TMPRSS11E: variants seen among roughly 807,000 people sequenced by gnomAD.
TMPRSS11E encodes the protein transmembrane serine protease 11E.
Under a neutral mutation model 48.1 loss-of-function variants are expected in TMPRSS11E, and 38 were observed. That is an observed-to-expected ratio of 0.79 (90% CI 0.61 to 1.04). The LOEUF is 1.04. Among genes scored for constraint, TMPRSS11E ranks in the 50% least tolerant of loss-of-function variants. The probability of loss-of-function intolerance (pLI) is 0.00; values close to 1 mark genes in which losing one functional copy is unlikely to be tolerated. For synonymous variants in TMPRSS11E, 158 were observed against 171.9 expected, an observed-to-expected ratio of 0.92 and a Z score of 0.63; for missense variants, 530 against 510.8, an observed-to-expected ratio of 1.04 and a Z score of -0.36.
At chr4:68,485,468 T>C (rs1260117372) in intron 9 of TMPRSS11E, among the ~76,000 whole-genome samples, 1 of 152,192 alleles carries the variant, frequency 6.6e-6, no homozygotes, top group African/African-American at 2.4e-5. Context: ...TTTTCATATG[T>C]TGAACCAGCC....
At chr4:68,473,617 A>G (rs1201309455) in intron 5 of TMPRSS11E, among the ~76,000 whole-genome samples, 1 of 152,106 alleles carries the variant, frequency 6.6e-6, no homozygotes, top group Non-Finnish European at 1.5e-5. Flanking sequence ...AGATAAAATT[A>G]TTAAGAATGT....
chr4:68,451,259 C>G (rs1728489709), intron 1 of TMPRSS11E, among the ~76,000 whole-genome samples: 1 of 151,868 alleles, frequency 6.6e-6, no homozygotes, highest in South Asian at 2.1e-4. Flanking sequence ...TGGATCTGCT[C>G]TCATTGAAGA....
At chr4:68,492,737 G>T (rs1729765118) in intron 9 of TMPRSS11E, among the ~76,000 whole-genome samples, 1 of 152,194 alleles carries the variant, frequency 6.6e-6, no homozygotes, top group African/African-American at 2.4e-5. Context: ...AATGTGACCA[G>T]AGTCTCCTGG....
chr4:68,477,086 C>T (rs1317491392), intron 7 of TMPRSS11E, among the ~76,000 whole-genome samples: 1 of 151,962 alleles, frequency 6.6e-6, no homozygotes, highest in Admixed American at 6.6e-5. Flanking sequence ...GTACAGGGTA[C>T]TTTCCATAGG....
chr4:68,490,968 A>G (rs1213312646), intron 9 of TMPRSS11E, among the ~76,000 whole-genome samples: 2 of 151,906 alleles, frequency 1.3e-5, no homozygotes, highest in East Asian at 3.9e-4. Context: ...CATGTTTGCT[A>G]GGCTGGTCTG....
At chr4:68,461,172 T>C (rs1728780922) in intron 1 of TMPRSS11E, among the ~76,000 whole-genome samples, 1 of 152,190 alleles carries the variant, frequency 6.6e-6, no homozygotes, top group African/African-American at 2.4e-5. Flanking sequence ...TGAGCCACCG[T>C]GCCCGGCCTT....
At chr4:68,474,646 T>C in intron 5 of TMPRSS11E, 77 bp from the exon 6 acceptor site, 1 of 1,354,450 alleles carries the variant, frequency 7.4e-7, no homozygotes, top group Non-Finnish European at 1.0e-6. Flanking sequence ...TTAAGCAGCC[T>C]TTTAGTATTT....
intron 9 of TMPRSS11E, among the ~76,000 whole-genome samples, chr4:68,491,961 G>C (rs1343786282): frequency 6.6e-6 from 1 of 152,020 alleles, no homozygotes; most frequent in East Asian, 1.9e-4. Flanking sequence ...TGGGTTAGTC[G>C]TTTTAGCAAT....
chr4:68,466,830 A>G, intron 3 of TMPRSS11E, 78 bp downstream of exon 3: 1 of 1,577,598 alleles, frequency 6.3e-7, no homozygotes. Flanking sequence ...CTTCTAAAAG[A>G]TCCATTCAAC....
chr4:68,474,732 A>G lies in TMPRSS11E; in HGVS notation c.500A>G (p.Lys167Arg), dbSNP rs781335842. Residue 167 changes from lysine to arginine, a missense_variant, in exon 6 of 10, where the codon AAG (lysine) becomes AGG (arginine). Physicochemically the swap from Lys to Arg is conservative, Grantham distance 26 (BLOSUM62 2). Transcript: ENST00000305363. ...PHSVKIKKIN[K>R]TETDSYLNHC... ...TTTCTGTGTGTTTCAGAAATCAACAAGACAGAAACAGACAGCTATCTAAAC... is the reference window on the plus strand; with the variant it reads ...TTTCTGTGTGTTTCAGAAATCAACAGGACAGAAACAGACAGCTATCTAAAC... 3 of 1,605,694 alleles carry G rather than the reference A, an allele frequency of 1.9e-6. No individual in the cohort carries two copies. The highest frequency in any genetic ancestry group is 2.5e-6 in the Non-Finnish European group (3 of 1,177,144).
rs543398178 is a variant in TMPRSS11E at position 68,488,631 on chromosome 4, C to G, written c.1111-8012C>G. On this transcript the variant is annotated intron_variant, in intron 9 of 9. Coordinates refer to ENST00000305363, the MANE Select transcript of TMPRSS11E (RefSeq NM_014058.4). ...TCGGCTCACTGCAAGCTCCGCCTCC[C>G]GGGTTAATGCCATTCTCCTGCCTCA... Among the ~76,000 whole-genome samples the G allele has an allele frequency of 1.6e-3, 245 of 152,222 alleles. 1 individual carries two copies. Among genetic ancestry groups the G allele is most frequent in the African/African-American group, 5.6e-3 (231 of 41,542 alleles).
chr4:68,468,503 T>C (rs1728980480), intron 3 of TMPRSS11E, among the ~76,000 whole-genome samples: 1 of 152,122 alleles, frequency 6.6e-6, no homozygotes. Context: ...ATAATCCAAG[T>C]ATTATGTGGC....
Position 68,496,922 on chromosome 4 carries a change from A to G in TMPRSS11E, c.*118A>G, listed in dbSNP as rs1729887886. ...AAACAGCTAGATTTGACTGATCTCAATAAACTGTTTGCTTGATGCATGTAT... is the reference window on the plus strand; with the variant it reads ...AAACAGCTAGATTTGACTGATCTCAGTAAACTGTTTGCTTGATGCATGTAT... On this transcript the variant is annotated 3_prime_UTR_variant, in exon 10 of 10. Coordinates refer to ENST00000305363, the MANE Select transcript of TMPRSS11E (RefSeq NM_014058.4). 3 of 1,044,048 alleles carry G rather than the reference A, an allele frequency of 2.9e-6. No individual in the cohort carries two copies. The highest frequency in any genetic ancestry group is 4.2e-6 in the Non-Finnish European group (3 of 706,608). 64.7% of individuals were successfully genotyped at this position (1,044,048 alleles called of 1,614,324 possible).
At chr4:68,464,890 T>C (rs1169450643) in intron 2 of TMPRSS11E, among the ~76,000 whole-genome samples, 1 of 152,214 alleles carries the variant, frequency 6.6e-6, no homozygotes, top group Non-Finnish European at 1.5e-5. Context: ...TTAGACCTCA[T>C]GTACCAGAAT....
In TMPRSS11E at chr4:68,479,058, A is replaced by C. The variant is rs915848890; in HGVS notation, c.1110+67A>C. ...TTACTTTTCTTTGAAATAATTATAT[A>C]TCTACAGGAAGTTGCAAAGATAGTA... On this transcript the variant is annotated intron_variant, in intron 9 of 9. Coordinates refer to ENST00000305363, the MANE Select transcript of TMPRSS11E (RefSeq NM_014058.4). The C allele has an allele frequency of 1.2e-5, 19 of 1,579,290 alleles. 1 individual carries two copies. In the African/African-American group the frequency reaches 1.5e-4, roughly 12 times the overall value.
intron 5 of TMPRSS11E, among the ~76,000 whole-genome samples, chr4:68,472,384 C>G (rs1729097964): frequency 6.6e-6 from 1 of 151,558 alleles, no homozygotes; most frequent in South Asian, 2.1e-4. Flanking sequence ...CCCAATATGT[C>G]CAAAGTATTA....
At chr4:68,469,608 A>G (rs1041457032) in intron 4 of TMPRSS11E, among the ~76,000 whole-genome samples, 4 of 151,910 alleles carry the variant, frequency 2.6e-5, no homozygotes, top group African/African-American at 9.7e-5. Context: ...CTGTCTTCTA[A>G]AAATTCTGTA....
rs1728935698 is a variant in TMPRSS11E at position 68,466,685 on chromosome 4, T to G, written c.191T>G (p.Leu64Arg). The G allele has an allele frequency of 1.2e-6, 2 of 1,613,672 alleles. No individual in the cohort carries two copies. Among genetic ancestry groups the G allele is most frequent in the Admixed American group, 3.3e-5 (2 of 59,972 alleles). ...ACATTGTCATTTACAACTGACAAAC[T>G]ATATGCTGAGTTTGGCAGAGAGGCT... ...YSTLSFTTDK[L>R]YAEFGREASN... The change falls in exon 3 of 10, where the codon CTA becomes CGA. Residue 64 changes from leucine to arginine, a missense_variant. Coordinates refer to ENST00000305363, the MANE Select transcript of TMPRSS11E (RefSeq NM_014058.4).
At position 68,476,432 on chromosome 4, in the gene TMPRSS11E, T is replaced by C. The variant is rs894012950; in HGVS notation, c.701T>C (p.Phe234Ser). The change falls in exon 7 of 10, where the codon TTT (phenylalanine) becomes TCT (serine). Residue 234 changes from phenylalanine to serine, a missense_variant. Coordinates refer to ENST00000305363, the MANE Select transcript of TMPRSS11E (RefSeq NM_014058.4). ...ATWLVSAAHC[F>S]TTYKNPARWT... Reference sequence around the variant, plus strand: ...TGGCTTGTGAGTGCTGCTCACTGTTTTACAACGTAAGTCTTGAAGCTTGAG... The same window carrying C: ...TGGCTTGTGAGTGCTGCTCACTGTTCTACAACGTAAGTCTTGAAGCTTGAG... 25 of 1,608,652 alleles carry C rather than the reference T, an allele frequency of 1.6e-5. No individual in the cohort carries two copies. The highest frequency in any genetic ancestry group is 2.0e-5 in the Non-Finnish European group (24 of 1,176,620).
Sources: allele counts gnomAD v4.1 joint callset (sites outside exome capture counted in the v4.1 genomes callset), GRCh38; gene constraint gnomAD v4.1.1; transcripts MANE v1.5; gene names NCBI Gene and HGNC (gene_info 2026-07-23, HGNC 2026-07-21).